The following AKAP3 variants were observed in gnomAD, a reference collection of about 807,000 sequenced individuals.
AKAP3 encodes A-kinase anchoring protein 3.
Under a neutral mutation model 57.2 loss-of-function variants are expected in AKAP3, and 27 were observed. The ratio of observed to expected loss-of-function variants is 0.47; its 90% CI spans 0.35 to 0.65. The LOEUF (loss-of-function observed/expected upper bound fraction) is 0.65. AKAP3 is among the 30% of genes least tolerant of loss of function. AKAP3 has a pLI of 0.01. For missense variants in AKAP3, 959 were observed against 1,040.0 expected (o/e 0.92, Z 1.07); for synonymous variants, 334 against 392.3 (o/e 0.85, Z 1.76).
intron 4 of AKAP3, among the ~76,000 whole-genome samples, chr12:4,631,896 A>G (rs1778142904): frequency 6.6e-6 from 1 of 152,234 alleles, no homozygotes; most frequent in African/African-American, 2.4e-5. Context: ...TATGCTTTTC[A>G]TAAACTCATA....
chr12:4,627,707 C>G lies in AKAP3; in HGVS notation c.1195G>C (p.Asp399His), dbSNP rs1352642265. The change falls in exon 5 of 6, where the codon GAC (aspartate) becomes CAC (histidine). Residue 399 changes from aspartate (D) to histidine (H), a missense_variant. Transcript: ENST00000228850. ...ATGAGGGAATAACTCTCAGCCTTGT[C>G]TTGGGCTTTCCTGACATGCTCAGGG... The part of the protein sequence containing the change: ...KVPEHVRKAQ[D>H]KAESYSLISM... 1.1e-5 allele frequency: 18 copies of G among 1,614,006 alleles called. No individual in the cohort carries two copies. Among genetic ancestry groups the G allele is most frequent in the Non-Finnish European group, 1.4e-5 (17 of 1,180,048 alleles).
Position 4,628,380 on chromosome 12 carries a change from T to C in AKAP3, c.522A>G (p.Ile174Met), listed in dbSNP as rs1945453320. 1.2e-6 allele frequency: 2 copies of C among 1,614,228 alleles called. No homozygotes were observed. Among genetic ancestry groups the C allele is most frequent in the East Asian group, 4.5e-5 (2 of 44,874 alleles). The change falls in exon 5 of 6, where the codon ATA becomes ATG. Residue 174 changes from isoleucine to methionine, a missense_variant. Physicochemically the swap from Ile to Met is conservative, Grantham distance 10. Coordinates refer to ENST00000228850, the MANE Select transcript of AKAP3 (RefSeq NM_001278309.2). ...EPTPTKSLSK[I>M]ASELVNETVS... ...CGGTCTCATTCACAAGCTCTGATGC[T>C]ATCTTACTGAGGCTTTTGGTGGGTG... is the stretch of plus-strand genomic sequence containing the variant.
At chr12:4,624,117 G>C (rs1945378937) in intron 5 of AKAP3, among the ~76,000 whole-genome samples, 1 of 152,088 alleles carries the variant, frequency 6.6e-6, no homozygotes, top group Non-Finnish European at 1.5e-5. Flanking sequence ...GTGTAGCATT[G>C]CTTACAGTGC....
rs750811273 is a variant in AKAP3 at position 4,638,161 on chromosome 12, A to G, written c.36T>C (p.Asn12=). The part of the protein sequence containing the change: ...SEKVDWLQSQ[N]GVCKVDVYSP... ...AATAGACATCAACTTTGCATACTCC[A>G]TTTTGGCTTTGTAACCAGTCAACCT... Residue 12 remains asparagine (N), a synonymous_variant, in exon 4 of 6, where the codon AAT becomes AAC. Coordinates refer to ENST00000228850, the MANE Select transcript of AKAP3 (RefSeq NM_001278309.2). 2.5e-6 allele frequency: 4 copies of G among 1,613,060 alleles called. No individual in the cohort carries two copies. The highest frequency in any genetic ancestry group is 1.7e-5 in the Admixed American group (1 of 59,780).
chr12:4,635,793 C>G, intron 4 of AKAP3: 1 of 699,588 alleles, frequency 1.4e-6, no homozygotes, highest in Non-Finnish European at 2.6e-6. Flanking sequence ...ACTGTAGTGT[C>G]ATCAAGACAC....
In AKAP3 at chr12:4,648,962, T is replaced by C; in HGVS notation, c.-462A>G. ...AGCCAAAGTCTTTTCACTTCCTTTC[T>C]TCCCCCTCTCCTTCACTTTCCCAGC... On this transcript the variant is annotated 5_prime_UTR_variant, in exon 1 of 6. Transcript: ENST00000228850. The C allele has an allele frequency of 1.4e-6, 1 of 717,260 alleles. No homozygotes were observed. 44.4% of individuals were successfully genotyped at this position (717,260 alleles called of 1,614,324 possible).
chr12:4,642,677 C>G (rs931666727), intron 2 of AKAP3, among the ~76,000 whole-genome samples: 3 of 152,182 alleles, frequency 2.0e-5, no homozygotes, highest in South Asian at 2.1e-4. Context: ...AAGTTTCCAT[C>G]ATATTTTGTT....
intron 3 of AKAP3, among the ~76,000 whole-genome samples, chr12:4,641,000 C>T (rs903019238): frequency 6.7e-6 from 1 of 149,468 alleles, no homozygotes; most frequent in African/African-American, 2.5e-5. Flanking sequence ...TGGGTAGGTC[C>T]AGAAAGATAA....
chr12:4,628,278 A>G lies in AKAP3; in HGVS notation c.624T>C (p.Ser208=). The change falls in exon 5 of 6, where the codon AGT becomes AGC. Residue 208 remains serine, a synonymous_variant. Transcript: ENST00000228850. ...SGDRVSGSSQ[S]PPNLKYKSTL... ...TGGACTTGTATTTCAAATTTGGGGG[A>G]CTTTGTGATGATCCCGAGACTCTGT... 6.2e-7 allele frequency: 1 copy of G among 1,613,944 alleles called. No individual in the cohort carries two copies. Among genetic ancestry groups the G allele is most frequent in the South Asian group, 1.1e-5 (1 of 91,068 alleles).
chr12:4,615,657 G>A lies in AKAP3; in HGVS notation c.*82C>T. The stretch of plus-strand genomic sequence containing the variant: ...TTAGGGCTCTGTGAGGATATAGAGG[G>A]GGAGATGTGGAAGTGAGAAAGAAGG... On this transcript the variant is annotated 3_prime_UTR_variant, in exon 6 of 6. Transcript: ENST00000228850. The A allele has an allele frequency of 4.7e-6, 7 of 1,496,442 alleles. No individual in the cohort carries two copies. Among genetic ancestry groups the A allele is most frequent in the Non-Finnish European group, 6.4e-6 (7 of 1,096,466 alleles). The allele number at this position is 1,496,442 out of a possible 1,614,324, so 92.7% of individuals were successfully genotyped here. A position where few individuals can be genotyped will look rare whatever the true frequency, so the allele number is the denominator to read the frequency against.
Position 4,627,550 on chromosome 12 carries a change from T to A in AKAP3, c.1352A>T (p.Glu451Val), listed in dbSNP as rs757290476. ...GGTAAGCCCCTCTTTGATAATGTGC[T>A]CACCCAGAGTTTTCGCACAAGTCTC... ...EEETCAKTLG[E>V]HIIKEGLTLW... Residue 451 changes from glutamate (E) to valine (V), a missense_variant, in exon 5 of 6, where the codon GAG (glutamate) becomes GTG (valine). Transcript: ENST00000228850. 2.1e-5 allele frequency: 34 copies of A among 1,614,186 alleles called. No homozygotes were observed. Among genetic ancestry groups the A allele is most frequent in the Non-Finnish European group, 2.9e-5 (34 of 1,180,018 alleles).
At chr12:4,647,046 G>C (rs1296549995) in intron 1 of AKAP3, among the ~76,000 whole-genome samples, 3 of 152,142 alleles carry the variant, frequency 2.0e-5, no homozygotes, top group Non-Finnish European at 2.9e-5. Context: ...ACCTCCCAAA[G>C]TGCTGGGATT....
At chr12:4,624,822 G>GTGTGTGTGTGTGTA (rs1467904888) in intron 5 of AKAP3, among the ~76,000 whole-genome samples, 2 of 147,316 alleles carry the variant, frequency 1.4e-5, no homozygotes, top group African/African-American at 5.2e-5. Flanking sequence ...GTGTGTGTGT[G>GTGTGTGTGTGTGTA]TGTATATAAA....
chr12:4,642,913 G>T (rs1945654154), intron 2 of AKAP3, among the ~76,000 whole-genome samples: 1 of 152,118 alleles, frequency 6.6e-6, no homozygotes, highest in Admixed American at 6.5e-5. Flanking sequence ...AGAATCCAAG[G>T]ACAAAAAAAC....
chr12:4,647,558 C>G (rs1383623186), intron 1 of AKAP3, among the ~76,000 whole-genome samples: 1 of 151,442 alleles, frequency 6.6e-6, no homozygotes, highest in Non-Finnish European at 1.5e-5. Context: ...AACCTTGAAA[C>G]TAGAACTGAG....
In AKAP3 at chr12:4,643,645, C is replaced by T. The variant is rs74060087; in HGVS notation, c.-107+1410G>A. Among the ~76,000 whole-genome samples, 291 of 152,200 alleles carry T rather than the reference C, an allele frequency of 1.9e-3. 1 individual carries two copies. The highest frequency in any genetic ancestry group is 6.9e-3 in the African/African-American group (287 of 41,514). On this transcript the variant is annotated intron_variant, in intron 2 of 5. Coordinates refer to ENST00000228850, the MANE Select transcript of AKAP3 (RefSeq NM_001278309.2). ...TGGCAGCTGTGAAATTTTCCCATGG[C>T]AAGTAGAAGGATTGGACTAAAATGT...
chr12:4,616,007 C>G, intron 5 of AKAP3, 113 bp from the exon 6 acceptor site: 1 of 1,331,990 alleles, frequency 7.5e-7, no homozygotes, highest in East Asian at 2.4e-5. Context: ...AACTGCAACA[C>G]AGACTTTAAA....
At chr12:4,648,489 A>T (rs906276465) in intron 1 of AKAP3, 1 of 152,232 alleles carries the variant, frequency 6.6e-6, no homozygotes, top group African/African-American at 2.4e-5. Flanking sequence ...TTATCCGAAG[A>T]GGTCACTTTT....
In AKAP3 at chr12:4,627,034, T is replaced by A. The variant is rs772254608; in HGVS notation, c.1868A>T (p.Lys623Met). Residue 623 changes from lysine to methionine, a missense_variant, in exon 5 of 6, where the codon AAG (lysine) becomes ATG (methionine). By Grantham distance (95) the Lys-to-Met change is moderately conservative. Transcript: ENST00000228850. ...PEPKVPEQPV[K>M]EDRKLCERPL... Reference sequence around the variant, plus strand: ...TCTTTCACACAACTTCCTATCTTCCTTAACTGGCTGTTCCGGCACCTTGGG... The same window carrying A: ...TCTTTCACACAACTTCCTATCTTCCATAACTGGCTGTTCCGGCACCTTGGG... 6.1e-5 allele frequency: 99 copies of A among 1,613,982 alleles called. No homozygotes were observed. The highest frequency in any genetic ancestry group is 1.7e-4 in the Admixed American group (10 of 59,994).
Sources: allele counts gnomAD v4.1 joint callset (sites outside exome capture counted in the v4.1 genomes callset), GRCh38; gene constraint gnomAD v4.1.1; transcripts MANE v1.5; gene names NCBI Gene and HGNC (gene_info 2026-07-23, HGNC 2026-07-21).